Variants in TRIM38 observed in about 807,000 individuals in gnomAD.
The protein encoded by TRIM38 is E3 ubiquitin-protein ligase TRIM38.
A neutral mutation model predicts 35.8 loss-of-function variants in TRIM38; 35 were observed. The ratio of observed to expected loss-of-function variants is 0.98; its 90% CI spans 0.75 to 1.30. The LOEUF is 1.30. Among genes scored for constraint, TRIM38 ranks in the 50% most tolerant of loss-of-function variants. TRIM38 has a pLI of 0.00. For missense variants in TRIM38, 545 were observed against 556.9 expected (o/e 0.98, Z 0.21); for synonymous variants, 198 against 204.7 (o/e 0.97, Z 0.28).
In TRIM38 at chr6:25,985,506, A is replaced by G. The variant is rs1760686299; in HGVS notation, c.*1819A>G. On this transcript the variant is annotated 3_prime_UTR_variant, in exon 8 of 8. Coordinates refer to ENST00000357085, the MANE Select transcript of TRIM38 (RefSeq NM_006355.5). ...GCACATGCTTTGTTTCTGTCTTGTC[A>G]ATCTGTCTTTTGTTAGTCTACTTGA... The G allele has an allele frequency of 6.6e-6, 1 of 152,086 alleles. No homozygotes were observed. The highest frequency in any genetic ancestry group is 6.6e-5 in the Admixed American group (1 of 15,262). The allele number at this position is 152,086 out of a possible 1,614,324, so 9.4% of individuals were successfully genotyped here.
In TRIM38 at chr6:25,990,861, C is replaced by G. The variant is rs746099675; in HGVS notation, c.*7174C>G. On this transcript the variant is annotated 3_prime_UTR_variant, in exon 8 of 8. Coordinates refer to ENST00000357085, the MANE Select transcript of TRIM38 (RefSeq NM_006355.5). The stretch of plus-strand genomic sequence containing the variant: ...TTCACACCAGGCCATCACTGTGATA[C>G]ATTTTTTAAAACACATTAAATTATC... The G allele has an allele frequency of 6.6e-6, 1 of 152,028 alleles. No individual in the cohort carries two copies. The highest frequency in any genetic ancestry group is 2.4e-5 in the African/African-American group (1 of 41,388). The allele number at this position is 152,028 out of a possible 1,614,324, so 9.4% of individuals were successfully genotyped here.
rs1463951392 is a variant in TRIM38, at chr6:25,986,293, G to C, written c.*2606G>C. On this transcript the variant is annotated 3_prime_UTR_variant, in exon 8 of 8. Transcript: ENST00000357085. ...TGTAATCCTGTCACTTTGGGAGGCTGAGATGGGAGGATCACTTGAGGCTAG... is the reference window on the plus strand; with the variant it reads ...TGTAATCCTGTCACTTTGGGAGGCTCAGATGGGAGGATCACTTGAGGCTAG... 1 of 152,208 alleles carries C rather than the reference G, an allele frequency of 6.6e-6. No homozygotes were observed. Among genetic ancestry groups the C allele is most frequent in the African/African-American group, 2.4e-5 (1 of 41,448 alleles). 9.4% of individuals were successfully genotyped at this position (152,208 alleles called of 1,614,324 possible).
chr6:25,979,576 TCTTA>T (rs1366907261), intron 7 of TRIM38, among the ~76,000 whole-genome samples: 1 of 152,020 alleles, frequency 6.6e-6, no homozygotes, highest in Non-Finnish European at 1.5e-5. Context: ...GTGCCTTCTG[TCTTA>T]CTTTGATAAA....
At chr6:25,981,318 A>T (rs564633242) in intron 7 of TRIM38, among the ~76,000 whole-genome samples, 3 of 152,366 alleles carry the variant, frequency 2.0e-5, no homozygotes, top group Non-Finnish European at 4.4e-5. Context: ...TAATCTGTCC[A>T]TGTCAGCCTT....
chr6:25,975,714 C>A lies in TRIM38; in HGVS notation c.874+2429C>A, dbSNP rs1201438467. On this transcript the variant is annotated intron_variant, in intron 7 of 7. Transcript: ENST00000357085. ...ATATCTTTCCCTAAGTTTGTACAAA[C>A]GTAACATATATACACTGTCTCTTCT... 3 of 970,464 alleles carry A rather than the reference C, an allele frequency of 3.1e-6. No homozygotes were observed. The South Asian group carries it at 1.4e-4, about 46-fold the overall frequency. 60.1% of individuals were successfully genotyped at this position (970,464 alleles called of 1,614,324 possible).
At chr6:25,964,506 G>A (rs1362314616) in intron 2 of TRIM38, among the ~76,000 whole-genome samples, 2 of 152,248 alleles carry the variant, frequency 1.3e-5, no homozygotes, top group South Asian at 2.1e-4. Flanking sequence ...ATTATTTTGT[G>A]AAAGTGTCTG....
chr6:25,968,693 G>T (rs1264671665), intron 3 of TRIM38, among the ~76,000 whole-genome samples: 2 of 152,180 alleles, frequency 1.3e-5, no homozygotes, highest in Non-Finnish European at 2.9e-5. Context: ...ACTTTCAATA[G>T]AAATATGAGA....
At chr6:25,978,346 T>C (rs891199836) in intron 7 of TRIM38, among the ~76,000 whole-genome samples, 2 of 151,652 alleles carry the variant, frequency 1.3e-5, no homozygotes, top group Non-Finnish European at 2.9e-5. Flanking sequence ...GCTATAGATA[T>C]ATATAGTATC....
intron 5 of TRIM38, among the ~76,000 whole-genome samples, chr6:25,972,752 G>C (rs1488158475): frequency 6.6e-6 from 1 of 152,140 alleles, no homozygotes; most frequent in Non-Finnish European, 1.5e-5. Flanking sequence ...CCTTACAGAG[G>C]GAGCATGGAC....
Position 25,966,785 on chromosome 6 carries a change from A to G in TRIM38, c.263A>G (p.Asp88Gly), listed in dbSNP as rs780314037. 1 of 1,614,224 alleles carries G rather than the reference A, an allele frequency of 6.2e-7. No individual in the cohort carries two copies. The highest frequency in any genetic ancestry group is 1.7e-5 in the Admixed American group (1 of 60,026). Residue 88 changes from aspartate (D) to glycine (G), a missense_variant, in exon 3 of 8, where the codon GAT becomes GGT. By Grantham distance (94) the Asp-to-Gly change is moderately conservative. Transcript: ENST00000357085. ...CTCATTGAAGCCCTCAAAGAGACGG[A>G]TCAAGAAATGTCATGTGAGGAACAC... The part of the protein sequence containing the change: ...GSLIEALKET[D>G]QEMSCEEHGE...
intron 5 of TRIM38, among the ~76,000 whole-genome samples, chr6:25,972,578 T>C (rs1356064925): frequency 6.6e-6 from 1 of 152,200 alleles, no homozygotes; most frequent in Non-Finnish European, 1.5e-5. Flanking sequence ...TAAGGCTGAG[T>C]GTATAGCATG....
intron 4 of TRIM38, among the ~76,000 whole-genome samples, chr6:25,969,971 G>A (rs1760177877): frequency 6.6e-6 from 1 of 152,102 alleles, no homozygotes; most frequent in Non-Finnish European, 1.5e-5. Flanking sequence ...TTGCTGGAGT[G>A]TAGTGGTGCG....
chr6:25,973,156 G>A lies in TRIM38; in HGVS notation c.762-17G>A, dbSNP rs375166663. On this transcript the variant is annotated splice_polypyrimidine_tract_variant and intron_variant, in intron 6 of 7. Transcript: ENST00000357085. Reference sequence around the variant, plus strand: ...GAATGCACCTCTGAAGAAATCTCTCGCCTCTGCTTATTCTAGGAGTTGGGC... The same window carrying A: ...GAATGCACCTCTGAAGAAATCTCTCACCTCTGCTTATTCTAGGAGTTGGGC... The A allele has an allele frequency of 2.9e-5, 46 of 1,613,992 alleles. No individual in the cohort carries two copies. The highest frequency in any genetic ancestry group is 5.0e-5 in the Admixed American group (3 of 60,006).
At chr6:25,963,657 C>G (rs898209956) in intron 2 of TRIM38, among the ~76,000 whole-genome samples, 1 of 152,196 alleles carries the variant, frequency 6.6e-6, no homozygotes, top group Non-Finnish European at 1.5e-5. Flanking sequence ...AACTGCTCCT[C>G]AGGAGCAAAC....
intron 7 of TRIM38, 136 bp downstream of exon 7, chr6:25,973,421 C>G (rs945005237): frequency 9.6e-6 from 14 of 1,451,912 alleles, no homozygotes; most frequent in Non-Finnish European, 2.7e-6. Context: ...TTCATACTTT[C>G]TCTAGTTAGT....
At chr6:25,980,910 G>T (rs72834607) in intron 7 of TRIM38, among the ~76,000 whole-genome samples, 464 of 152,224 alleles carry the variant, frequency 3.0e-3, no homozygotes, top group Admixed American at 4.3e-3. Context: ...TTACCACCCC[G>T]TAAACATTTT....
Position 25,980,470 on chromosome 6 carries a change from T to C in TRIM38, c.875-2694T>C, listed in dbSNP as rs1035203740. On this transcript the variant is annotated intron_variant, in intron 7 of 7. Transcript: ENST00000357085. ...GAATCTCTCTCTGTCACCCAGGCTG[T>C]AGTGTAGTGGCGAAATCTCAGCTCA... 6.6e-5 allele frequency among the ~76,000 whole-genome samples: 10 copies of C among 151,788 alleles called. 1 individual carries two copies. The highest frequency in any genetic ancestry group is 6.6e-4 in the Admixed American group (10 of 15,214).
intron 7 of TRIM38, among the ~76,000 whole-genome samples, chr6:25,976,544 T>G (rs993284568): frequency 6.6e-6 from 1 of 152,254 alleles, no homozygotes; most frequent in Non-Finnish European, 1.5e-5. Context: ...GTGTTGGGAT[T>G]ACAGGCATGA....
At chr6:25,965,101 C>T (rs1158669886) in intron 2 of TRIM38, among the ~76,000 whole-genome samples, 1 of 152,238 alleles carries the variant, frequency 6.6e-6, no homozygotes, top group South Asian at 2.1e-4. Context: ...GCGTGAGCCA[C>T]CGTGCTGGCC....
Sources: gnomAD v4.1 joint callset for allele counts (sites outside exome capture counted in the v4.1 genomes callset) on GRCh38, gnomAD v4.1.1 for gene constraint, MANE v1.5 for transcripts, NCBI Gene and HGNC (gene_info 2026-07-23, HGNC 2026-07-21) for gene names.